Variants in MAGI2 observed in about 807,000 individuals in gnomAD.
The protein encoded by MAGI2 is membrane-associated guanylate kinase, WW and PDZ domain-containing protein 2.
Under a neutral mutation model 133.3 loss-of-function variants are expected in MAGI2, and 35 were observed. That is an observed-to-expected ratio of 0.26 (90% CI 0.20 to 0.35). MAGI2 has a LOEUF of 0.35. Among genes scored for constraint, MAGI2 ranks in the 10% least tolerant of loss-of-function variants. The probability of loss-of-function intolerance (pLI) is 1.00; values close to 1 mark genes in which losing one functional copy is unlikely to be tolerated. For synonymous variants in MAGI2, 729 were observed against 710.6 expected (o/e 1.03, Z -0.41); for missense variants, 1,636 against 1,863.4 (o/e 0.88, Z 2.25).
chr7:78,277,129 TA>T (rs1215993385), intron 9 of MAGI2, among the ~76,000 whole-genome samples: 3 of 152,284 alleles, frequency 2.0e-5, no homozygotes, highest in East Asian at 3.9e-4. Flanking sequence ...TCATAAAAAA[TA>T]ATTTTAATGT....
chr7:78,934,807 C>A (rs1327281004), intron 2 of MAGI2, among the ~76,000 whole-genome samples: 1 of 152,180 alleles, frequency 6.6e-6, no homozygotes, highest in South Asian at 2.1e-4. Flanking sequence ...ATGCTCAAAT[C>A]TGTACCTAAC....
chr7:78,478,305 G>A (rs1476224127), intron 6 of MAGI2, among the ~76,000 whole-genome samples: 1 of 151,840 alleles, frequency 6.6e-6, no homozygotes, highest in Non-Finnish European at 1.5e-5. Flanking sequence ...ATTTAATCTA[G>A]TTTCCCTTAA....
intron 14 of MAGI2, among the ~76,000 whole-genome samples, chr7:78,176,342 C>G (rs1826601481): frequency 6.6e-6 from 1 of 152,172 alleles, no homozygotes; most frequent in South Asian, 2.1e-4. Flanking sequence ...TAGTGACGTT[C>G]TGGTTGACTG....
intron 1 of MAGI2, among the ~76,000 whole-genome samples, chr7:79,427,896 T>C (rs1289469820): frequency 1.3e-5 from 2 of 151,766 alleles, no homozygotes; most frequent in East Asian, 3.9e-4. Flanking sequence ...GTAGGGCAAA[T>C]GAAGGGACAC....
intron 6 of MAGI2, among the ~76,000 whole-genome samples, chr7:78,405,701 A>G (rs1433657450): frequency 6.6e-6 from 1 of 152,096 alleles, no homozygotes; most frequent in Non-Finnish European, 1.5e-5. Flanking sequence ...TCATCTTAAT[A>G]CACTTAAAAT....
intron 1 of MAGI2, among the ~76,000 whole-genome samples, chr7:79,316,898 A>G (rs1197338189): frequency 6.6e-6 from 1 of 152,030 alleles, no homozygotes; most frequent in East Asian, 1.9e-4. Context: ...TAACTTGCCC[A>G]GGGCCAGGTA....
intron 1 of MAGI2, among the ~76,000 whole-genome samples, chr7:79,248,279 A>G (rs1024493122): frequency 1.3e-5 from 2 of 152,218 alleles, no homozygotes; most frequent in Non-Finnish European, 2.9e-5. Context: ...GAAGGTCATT[A>G]TATAATGATA....
chr7:79,149,649 C>G (rs1823000348), intron 1 of MAGI2, among the ~76,000 whole-genome samples: 1 of 152,114 alleles, frequency 6.6e-6, no homozygotes, highest in Admixed American at 6.6e-5. Context: ...TTAGTGCTAT[C>G]TTTCTACTAC....
chr7:78,024,075 A>G (rs1351390782), intron 21 of MAGI2, among the ~76,000 whole-genome samples: 1 of 152,218 alleles, frequency 6.6e-6, no homozygotes, highest in Non-Finnish European at 1.5e-5. Context: ...CCCAGAAACT[A>G]AAGGATGACT....
intron 21 of MAGI2, among the ~76,000 whole-genome samples, chr7:78,058,465 C>A (rs1259322586): frequency 7.1e-6 from 1 of 139,908 alleles, no homozygotes; most frequent in Non-Finnish European, 1.5e-5. Context: ...TGTTCACATA[C>A]ATCTTAAAAT....
intron 2 of MAGI2, among the ~76,000 whole-genome samples, chr7:78,826,839 C>T (rs1016440992): frequency 2.0e-5 from 3 of 152,066 alleles, no homozygotes; most frequent in African/African-American, 7.2e-5. Flanking sequence ...TACCGTGATA[C>T]TATCTAGTTC....
chr7:78,769,886 C>T (rs914506302), intron 2 of MAGI2, among the ~76,000 whole-genome samples: 1 of 152,112 alleles, frequency 6.6e-6, no homozygotes, highest in Non-Finnish European at 1.5e-5. Context: ...AAATGCTTCC[C>T]CCCATTTCCT....
chr7:78,197,537 A>G (rs1295998325), intron 11 of MAGI2, among the ~76,000 whole-genome samples: 2 of 152,210 alleles, frequency 1.3e-5, no homozygotes, highest in Non-Finnish European at 2.9e-5. Context: ...CTAAAAAACA[A>G]TCTTAAAACT....
chr7:78,205,616 C>G (rs1421811777), intron 10 of MAGI2, among the ~76,000 whole-genome samples: 2 of 152,138 alleles, frequency 1.3e-5, no homozygotes, highest in Non-Finnish European at 2.9e-5. Context: ...CTTCTGGAAC[C>G]TATTCATATT....
At chr7:79,039,019 C>G (rs1289297829) in intron 1 of MAGI2, among the ~76,000 whole-genome samples, 5 of 152,186 alleles carry the variant, frequency 3.3e-5, no homozygotes, top group Non-Finnish European at 5.9e-5. Context: ...TATCGTTTGG[C>G]TGTGCCCCCA....
rs538629898 is a variant in MAGI2 at position 78,521,283 on chromosome 7, C to T, written c.754+147G>A. ...TTTGAAGATAATTATAATAATTACACGTGAACACACAGATGTAAGAAATAT... is the reference window on the plus strand; with the variant it reads ...TTTGAAGATAATTATAATAATTACATGTGAACACACAGATGTAAGAAATAT... On this transcript the variant is annotated intron_variant, in intron 4 of 21. Transcript: ENST00000354212. 2.9e-5 allele frequency: 14 copies of T among 482,908 alleles called. No individual in the cohort carries two copies. The East Asian group carries it at 3.0e-4, about 10-fold the overall frequency. 29.9% of individuals were successfully genotyped at this position (482,908 alleles called of 1,614,324 possible). A position where few individuals can be genotyped will look rare whatever the true frequency, so the allele number is the denominator to read the frequency against.
intron 3 of MAGI2, among the ~76,000 whole-genome samples, chr7:78,583,940 T>C (rs1383427671): frequency 6.6e-6 from 1 of 152,230 alleles, no homozygotes. Context: ...TGTCACCCTC[T>C]GCATTGAGCT....
In MAGI2 at chr7:78,592,795, C is replaced by T. The variant is rs1804151432; in HGVS notation, c.538+34325G>A. ...GCACAGACTGTACACATTGTAAAAGCCCTTGCATGCCCTCCGAAAAATTAC... is the reference window on the plus strand; with the variant it reads ...GCACAGACTGTACACATTGTAAAAGTCCTTGCATGCCCTCCGAAAAATTAC... On this transcript the variant is annotated intron_variant, in intron 3 of 21. Coordinates refer to ENST00000354212, the MANE Select transcript of MAGI2 (RefSeq NM_012301.4). Among the ~76,000 whole-genome samples, 3 of 149,968 alleles carry T rather than the reference C, an allele frequency of 2.0e-5. No homozygotes were observed. The South Asian group carries it at 6.3e-4, about 32-fold the overall frequency.
chr7:78,523,015 G>C (rs1021221520), intron 3 of MAGI2, among the ~76,000 whole-genome samples: 1 of 152,110 alleles, frequency 6.6e-6, no homozygotes, highest in Admixed American at 6.6e-5. Flanking sequence ...CAGGAAATAG[G>C]AGAAAGCACT....
Sources: allele counts gnomAD v4.1 joint callset (sites outside exome capture counted in the v4.1 genomes callset), GRCh38; gene constraint gnomAD v4.1.1; transcripts MANE v1.5; gene names NCBI Gene and HGNC (gene_info 2026-07-23, HGNC 2026-07-21).